LYPLAL1: variants seen among roughly 807,000 people sequenced by gnomAD.
The protein encoded by LYPLAL1 is lysophospholipase like 1.
A neutral mutation model predicts 19.7 loss-of-function variants in LYPLAL1; 23 were observed. The ratio of observed to expected loss-of-function variants is 1.17; its 90% CI spans 0.84 to 1.65. The LOEUF (loss-of-function observed/expected upper bound fraction) is 1.65, where lower values mean the gene tolerates loss of function less well. Ranked by LOEUF, LYPLAL1 falls within the 40% of genes most tolerant of loss-of-function variation. The pLI is 0.00. For missense variants in LYPLAL1, 355 were observed against 279.4 expected (o/e 1.27, Z -1.93); for synonymous variants, 119 against 96.3 (o/e 1.24, Z -1.38).
At chr1:219,209,767 G>A (rs1417913214) in intron 3 of LYPLAL1, among the ~76,000 whole-genome samples, 1 of 151,996 alleles carries the variant, frequency 6.6e-6, no homozygotes, top group African/African-American at 2.4e-5. Context: ...CTCTGCTGCC[G>A]TCACCTCATA....
At chr1:219,242,603 G>A in the LYPLAL1 span, among the ~76,000 whole-genome samples, 1 of 151,942 alleles carries the variant, frequency 6.6e-6, no homozygotes, top group Non-Finnish European at 1.5e-5. Context: ...GGCTTATTAT[G>A]TCCCTGTTCC....
the LYPLAL1 span, among the ~76,000 whole-genome samples, chr1:219,298,857 G>T: frequency 6.6e-6 from 1 of 152,132 alleles, no homozygotes; most frequent in South Asian, 2.1e-4. Flanking sequence ...TTTTTATCTG[G>T]AAGAGTAATA....
chr1:219,243,919 C>CAAAAAAAAA, the LYPLAL1 span, among the ~76,000 whole-genome samples: 1 of 129,076 alleles, frequency 7.7e-6, no homozygotes, highest in African/African-American at 2.9e-5. Flanking sequence ...AACTCCATCT[C>CAAAAAAAAA]AAAAAAAAAA....
chr1:219,419,548 AACACACACACACAC>A, the LYPLAL1 span, among the ~76,000 whole-genome samples: 35 of 97,862 alleles, frequency 3.6e-4, no homozygotes, highest in East Asian at 1.7e-3. Context: ...GCCCTAGCCC[AACACACACACACAC>A]ACACACACAC....
the LYPLAL1 span, among the ~76,000 whole-genome samples, chr1:219,370,282 C>T: frequency 6.6e-6 from 1 of 152,194 alleles, no homozygotes; most frequent in African/African-American, 2.4e-5. Context: ...TCTGCTTTCT[C>T]TGTGCCCTCT....
At chr1:219,290,280 A>C in the LYPLAL1 span, among the ~76,000 whole-genome samples, 6 of 152,090 alleles carry the variant, frequency 3.9e-5, no homozygotes, top group African/African-American at 1.4e-4. Context: ...TCACTGTTAG[A>C]GGCATTCGAA....
chr1:219,410,181 A>C, the LYPLAL1 span: 1 of 152,174 alleles, frequency 6.6e-6, no homozygotes, highest in Non-Finnish European at 1.5e-5. Flanking sequence ...TAACTATGGA[A>C]TTTTCTGGCC....
the LYPLAL1 span, among the ~76,000 whole-genome samples, chr1:219,301,209 G>A: frequency 7.2e-5 from 11 of 152,246 alleles, no homozygotes; most frequent in African/African-American, 2.6e-4. Context: ...TAAGCTTATT[G>A]GTTGAGCATC....
At chr1:219,333,182 A>G in the LYPLAL1 span, among the ~76,000 whole-genome samples, 1 of 152,056 alleles carries the variant, frequency 6.6e-6, no homozygotes, top group South Asian at 2.1e-4. Context: ...TCCCTATTTC[A>G]AGGATGACTA....
At chr1:219,358,667 A>G in the LYPLAL1 span, among the ~76,000 whole-genome samples, 1 of 152,188 alleles carries the variant, frequency 6.6e-6, no homozygotes, top group Non-Finnish European at 1.5e-5. Flanking sequence ...ATTCACTATC[A>G]GGAGAACAGC....
the LYPLAL1 span, among the ~76,000 whole-genome samples, chr1:219,375,570 G>A: frequency 6.6e-6 from 1 of 150,714 alleles, no homozygotes; most frequent in African/African-American, 2.4e-5. Flanking sequence ...AAGAGGATAG[G>A]TTTTGGTTTA....
At chr1:219,270,698 C>T in the LYPLAL1 span, 1 of 152,200 alleles carries the variant, frequency 6.6e-6, no homozygotes, top group Non-Finnish European at 1.5e-5. Context: ...TGCAAGTTTC[C>T]AGCTTGCTTA....
the LYPLAL1 span, among the ~76,000 whole-genome samples, chr1:219,347,256 A>ATTCTTT: frequency 6.6e-6 from 1 of 151,918 alleles, no homozygotes; most frequent in African/African-American, 2.4e-5. Flanking sequence ...CTTTTTGGCC[A>ATTCTTT]TTCTTTTTCT....
At chr1:219,206,587 AAAT>A (rs1405898697) in intron 3 of LYPLAL1, among the ~76,000 whole-genome samples, 1 of 152,100 alleles carries the variant, frequency 6.6e-6, no homozygotes, top group Non-Finnish European at 1.5e-5. Context: ...TTAAATCTTA[AAAT>A]AATAATATTT....
chr1:219,236,298 AT>A, the LYPLAL1 span, among the ~76,000 whole-genome samples: 1 of 152,232 alleles, frequency 6.6e-6, no homozygotes, highest in Non-Finnish European at 1.5e-5. Context: ...GGTTTAACAC[AT>A]TTTAATGGAT....
At chr1:219,244,412 CTGG>C in the LYPLAL1 span, among the ~76,000 whole-genome samples, 1 of 152,088 alleles carries the variant, frequency 6.6e-6, no homozygotes, top group African/African-American at 2.4e-5. Context: ...TATTTAAGAC[CTGG>C]AAAATTCCAC....
At chr1:219,411,797 C>A in the LYPLAL1 span, 1 of 166,504 alleles carries the variant, frequency 6.0e-6, no homozygotes, top group Non-Finnish European at 1.3e-5. Flanking sequence ...CACATCTGAA[C>A]ATCAGAAGGG....
chr1:219,307,733 A>T, the LYPLAL1 span, among the ~76,000 whole-genome samples: 2 of 152,132 alleles, frequency 1.3e-5, no homozygotes, highest in African/African-American at 2.4e-5. Context: ...TGAATCATGG[A>T]GGCAGTTTTC....
chr1:219,413,961 C>T, the LYPLAL1 span, among the ~76,000 whole-genome samples: 1 of 152,184 alleles, frequency 6.6e-6, no homozygotes, highest in Non-Finnish European at 1.5e-5. Flanking sequence ...CAAGCAAATA[C>T]ACTTGAGAAA....
Sources: gnomAD v4.1 joint callset for allele counts (sites outside exome capture counted in the v4.1 genomes callset) on GRCh38, gnomAD v4.1.1 for gene constraint, MANE v1.5 for transcripts, NCBI Gene and HGNC (gene_info 2026-07-23, HGNC 2026-07-21) for gene names.